MICAL3: variants seen among roughly 807,000 people sequenced by gnomAD.
MICAL3 encodes [F-actin]-monooxygenase MICAL3.
Under a neutral mutation model 207.4 loss-of-function variants are expected in MICAL3, and 62 were observed. The ratio of observed to expected loss-of-function variants is 0.30; its 90% CI spans 0.24 to 0.37. MICAL3 has a LOEUF of 0.37. MICAL3 is among the 10% of genes least tolerant of loss of function. The pLI is 1.00. For missense variants in MICAL3, 2,368 were observed against 2,635.6 expected, an observed-to-expected ratio of 0.90 and a Z score of 2.22; for synonymous variants, 1,077 against 1,069.3, an observed-to-expected ratio of 1.01 and a Z score of -0.14.
chr22:17,795,279 C>T (rs1391333441), intron 29 of MICAL3, among the ~76,000 whole-genome samples: 1 of 152,240 alleles, frequency 6.6e-6, no homozygotes, highest in African/African-American at 2.4e-5. Context: ...TCAACCTCGG[C>T]TTCAAAGTGT....
Position 17,897,361 on chromosome 22 carries a change from T to G in MICAL3, c.949-380A>C, listed in dbSNP as rs1244877436. 3.7e-5 allele frequency among the ~76,000 whole-genome samples: 5 copies of G among 136,918 alleles called. No homozygotes were observed. The East Asian group carries it at 1.1e-3, about 30-fold the overall frequency. The allele number at this position is 136,918 out of a possible 152,430, so 89.8% of individuals were successfully genotyped here. ...CTGCTTGAGCCCAGGAAGCGGAGGT[T>G]GCAGTGAGCTGAGACAGCACCACTG... On this transcript the variant is annotated intron_variant, in intron 7 of 31. Coordinates refer to ENST00000441493, the MANE Select transcript of MICAL3 (RefSeq NM_015241.3).
At position 17,990,112 on chromosome 22, in the gene MICAL3, A is replaced by T. The variant is rs537151155; in HGVS notation, c.-75+34169T>A. 1.2e-3 allele frequency among the ~76,000 whole-genome samples: 105 copies of T among 89,446 alleles called. 2 individuals are homozygous for T. The highest frequency in any genetic ancestry group is 2.4e-3 in the Admixed American group (15 of 6,374). 58.7% of individuals were successfully genotyped at this position (89,446 alleles called of 152,430 possible). ...TCAGGAGGCTTAAAGAATTGCTAAT[A>T]AAAAAAAAATGCAAAGCCCCAGGGG... On this transcript the variant is annotated intron_variant, in intron 1 of 31. Coordinates refer to ENST00000441493, the MANE Select transcript of MICAL3 (RefSeq NM_015241.3).
chr22:18,021,841 T>C (rs1924496545), intron 1 of MICAL3, among the ~76,000 whole-genome samples: 1 of 152,182 alleles, frequency 6.6e-6, no homozygotes, highest in African/African-American at 2.4e-5. Flanking sequence ...AACAACATCT[T>C]AATCCCCTTG....
intron 1 of MICAL3, among the ~76,000 whole-genome samples, chr22:17,946,227 T>C (rs1173309511): frequency 6.6e-6 from 1 of 152,170 alleles, no homozygotes; most frequent in African/African-American, 2.4e-5. Context: ...CAGAGAAGAC[T>C]GCACTTTCCC....
At chr22:17,875,684 A>T (rs971081522) in intron 16 of MICAL3, 65 of 220,930 alleles carry the variant, frequency 2.9e-4, no homozygotes, top group Middle Eastern at 1.4e-3. Flanking sequence ...ATGTATAGTA[A>T]AAAAAAAAAA....
chr22:17,844,037 C>CA (rs1555988218), intron 19 of MICAL3, among the ~76,000 whole-genome samples: 3 of 152,098 alleles, frequency 2.0e-5, no homozygotes, highest in Non-Finnish European at 4.4e-5. Context: ...TTAGTAGAGA[C>CA]GGGTTTCACC....
chr22:17,820,305 G>A (rs571899457), intron 25 of MICAL3, among the ~76,000 whole-genome samples: 37 of 152,248 alleles, frequency 2.4e-4, no homozygotes, highest in Non-Finnish European at 4.1e-4. Flanking sequence ...AGTTGGCTTT[G>A]CAGCATTCTC....
intron 20 of MICAL3, among the ~76,000 whole-genome samples, chr22:17,838,113 A>AT (rs1923596267): frequency 6.6e-6 from 1 of 152,206 alleles, no homozygotes; most frequent in Non-Finnish European, 1.5e-5. Flanking sequence ...CTGCAATTAT[A>AT]TTTTTAGCCA....
Position 17,902,427 on chromosome 22 carries a change from G to A in MICAL3, c.589+204C>T, listed in dbSNP as rs916420471. On this transcript the variant is annotated intron_variant, in intron 4 of 31. Transcript: ENST00000441493. The surrounding 1 kb of genome is among the most constrained non-coding windows in gnomAD (Gnocchi z 4.5). The stretch of plus-strand genomic sequence containing the variant: ...GGGGACAAACCACAGAAGGAAAGAA[G>A]CCTTGCAGAGGGCTCACGGGGCCCT... Among the ~76,000 whole-genome samples, 1 of 152,178 alleles carries A rather than the reference G, an allele frequency of 6.6e-6. No homozygotes were observed. The highest frequency in any genetic ancestry group is 1.5e-5 in the Non-Finnish European group (1 of 68,014).
chr22:17,847,247 G>A (rs1924728009), intron 19 of MICAL3, among the ~76,000 whole-genome samples: 1 of 152,214 alleles, frequency 6.6e-6, no homozygotes, highest in East Asian at 1.9e-4. Flanking sequence ...AGGATGTCAA[G>A]GGCCTCTTCT....
In MICAL3 at chr22:17,822,118, C is replaced by T. The variant is rs767776833; in HGVS notation, c.3360G>A (p.Pro1120=). ...GCTCTGCTTCCCCCTCAGCTGGGCA[C>T]GGCAAACGCAGCTCTCTGTCAGCAT... ...PSDADRELRL[P]CPAEGEAELE... The change falls in exon 24 of 32, where the codon CCG becomes CCA. Residue 1120 remains proline (P), a synonymous_variant. Coordinates refer to ENST00000441493, the MANE Select transcript of MICAL3 (RefSeq NM_015241.3). 27 of 1,613,758 alleles carry T rather than the reference C, an allele frequency of 1.7e-5. No homozygotes were observed. The highest frequency in any genetic ancestry group is 2.7e-5 in the African/African-American group (2 of 74,954).
chr22:17,884,290 G>T lies in MICAL3; in HGVS notation c.2241+1588C>A, dbSNP rs780461894. On this transcript the variant is annotated intron_variant, in intron 16 of 31. Coordinates refer to ENST00000441493, the MANE Select transcript of MICAL3 (RefSeq NM_015241.3). ...GTTCCTTTACCTGTTTCCACCGGGG[G>T]GTGGGGGCAGGGCGAACCTGCCCAG... 5 of 1,590,112 alleles carry T rather than the reference G, an allele frequency of 3.1e-6. No homozygotes were observed. The South Asian group carries it at 5.7e-5, about 18-fold the overall frequency.
At chr22:17,882,573 C>T (rs572506421) in intron 16 of MICAL3, among the ~76,000 whole-genome samples, 1 of 152,326 alleles carries the variant, frequency 6.6e-6, no homozygotes, top group Non-Finnish European at 1.5e-5. Flanking sequence ...GGCCCAAATG[C>T]ATGATTTAGA....
chr22:17,929,912 G>A (rs149920664), intron 1 of MICAL3, among the ~76,000 whole-genome samples: 1 of 152,218 alleles, frequency 6.6e-6, no homozygotes, highest in Non-Finnish European at 1.5e-5. Flanking sequence ...AAAGCAAAAG[G>A]GCTATGTGTA....
At chr22:17,895,540 T>G in intron 9 of MICAL3, 130 bp from the exon 10 acceptor site, 1 of 1,072,070 alleles carries the variant, frequency 9.3e-7, no homozygotes, top group Non-Finnish European at 1.4e-6. Context: ...TTGACCAGTC[T>G]TCTTGAGTCC....
At chr22:17,876,856 TGGAGGTTAG>T (rs1569109285) in intron 16 of MICAL3, 28 of 25,570 alleles carry the variant, frequency 1.1e-3, no homozygotes, top group Admixed American at 1.1e-3. Flanking sequence ...AGGGAGGTTA[TGGAGGTTAG>T]GGAGGTTAGG....
chr22:17,925,521 G>A (rs1022343179), intron 1 of MICAL3, among the ~76,000 whole-genome samples: 2 of 152,202 alleles, frequency 1.3e-5, no homozygotes, highest in Non-Finnish European at 2.9e-5. Context: ...GAAAAAAGAA[G>A]TTGATATCTA....
chr22:17,787,807 C>T lies in MICAL3; in HGVS notation c.*2925G>A, dbSNP rs769337075. The T allele has an allele frequency of 6.6e-6, 1 of 152,242 alleles. No homozygotes were observed. Among genetic ancestry groups the T allele is most frequent in the Non-Finnish European group, 1.5e-5 (1 of 68,038 alleles). The allele number at this position is 152,242 out of a possible 1,614,324, so 9.4% of individuals were successfully genotyped here. A position where few individuals can be genotyped will look rare whatever the true frequency, so the allele number is the denominator to read the frequency against. ...AGAGTCTATCATTGCTGGTCAAAATCGGCCTGAGGATGGCCGCCAGGGACA... is the reference window on the plus strand; with the variant it reads ...AGAGTCTATCATTGCTGGTCAAAATTGGCCTGAGGATGGCCGCCAGGGACA... On this transcript the variant is annotated 3_prime_UTR_variant, in exon 32 of 32. Coordinates refer to ENST00000441493, the MANE Select transcript of MICAL3 (RefSeq NM_015241.3).
At chr22:17,821,271 T>C (rs542932340) in intron 25 of MICAL3, among the ~76,000 whole-genome samples, 156 bp downstream of exon 25, 6 of 152,058 alleles carry the variant, frequency 3.9e-5, no homozygotes, top group South Asian at 2.1e-4. Context: ...AGGAGGATGA[T>C]AGTTTTCAGT....
Sources: gnomAD v4.1 joint callset for allele counts (sites outside exome capture counted in the v4.1 genomes callset) on GRCh38, gnomAD v4.1.1 for gene constraint, Gnocchi (gnomAD v3.1) non-coding constraint, MANE v1.5 for transcripts, NCBI Gene and HGNC (gene_info 2026-07-23, HGNC 2026-07-21) for gene names.